Variants in ABLIM2 observed in about 807,000 individuals in gnomAD.
The protein encoded by ABLIM2 is actin binding LIM protein family member 2.
A neutral mutation model predicts 97.7 loss-of-function variants in ABLIM2; 53 were observed. The observed-to-expected ratio is 0.54, with a 90% CI of 0.44 to 0.68. The LOEUF is 0.68. Ranked by LOEUF, ABLIM2 falls within the 30% of genes least tolerant of loss-of-function variation. The pLI is 0.00. For missense variants in ABLIM2, 835 were observed against 867.2 expected, an observed-to-expected ratio of 0.96 and a Z score of 0.47; for synonymous variants, 361 against 345.8, an observed-to-expected ratio of 1.04 and a Z score of -0.49.
At position 8,069,543 on chromosome 4, in the gene ABLIM2, G is replaced by A. The variant is rs894271563; in HGVS notation, c.675+8085C>T. ...AGGCAAGGCAGGAAGGCAGAGATGC[G>A]GCAAAGGGTGTGTGCGCATGTGCGT... On this transcript the variant is annotated intron_variant, in intron 6 of 20. Transcript: ENST00000447017. The surrounding 1 kb of genome is among the most constrained non-coding windows in gnomAD (Gnocchi z 4.2). 1.3e-5 allele frequency among the ~76,000 whole-genome samples: 2 copies of A among 152,188 alleles called. No individual in the cohort carries two copies. Among genetic ancestry groups the A allele is most frequent in the South Asian group, 2.1e-4 (1 of 4,818 alleles).
At chr4:7,990,776 G>A (rs1748080194) in intron 17 of ABLIM2, among the ~76,000 whole-genome samples, 1 of 152,110 alleles carries the variant, frequency 6.6e-6, no homozygotes, top group Non-Finnish European at 1.5e-5. Context: ...GAAAAAGGCT[G>A]GTCATGTGAA....
chr4:8,156,596 C>T (rs1438465035), intron 1 of ABLIM2, among the ~76,000 whole-genome samples: 5 of 152,222 alleles, frequency 3.3e-5, no homozygotes, highest in Non-Finnish European at 7.3e-5. Context: ...CTGCAGCACA[C>T]GAGGGTTAGA....
intron 1 of ABLIM2, among the ~76,000 whole-genome samples, chr4:8,143,391 G>A (rs1469003303): frequency 6.6e-6 from 1 of 152,174 alleles, no homozygotes; most frequent in African/African-American, 2.4e-5. Flanking sequence ...GGACCACGGT[G>A]CACAAAAGGC....
At chr4:7,990,675 C>T (rs1445964934) in intron 17 of ABLIM2, among the ~76,000 whole-genome samples, 2 of 152,110 alleles carry the variant, frequency 1.3e-5, no homozygotes, top group Non-Finnish European at 2.9e-5. Flanking sequence ...CTTAGGAGCA[C>T]TGTAGGCCAT....
rs1010402173 is a variant in ABLIM2 at position 8,046,894 on chromosome 4, C to T, written c.823-1653G>A. On this transcript the variant is annotated intron_variant, in intron 8 of 20. Transcript: ENST00000447017. This position sits in a 1 kb window ranked among gnomAD's most constrained non-coding sequence, Gnocchi z 4.4. ...GGAGAAGGCAGCATCTACGAGCCAACGAGGGAGAAACCACCCCAGCTAACC... is the reference window on the plus strand; with the variant it reads ...GGAGAAGGCAGCATCTACGAGCCAATGAGGGAGAAACCACCCCAGCTAACC... Among the ~76,000 whole-genome samples the T allele has an allele frequency of 5.3e-5, 8 of 152,154 alleles. No homozygotes were observed. In the South Asian group the frequency reaches 6.2e-4, roughly 12 times the overall value.
chr4:8,155,056 G>A lies in ABLIM2; in HGVS notation c.10+3624C>T, dbSNP rs1200244427. Among the ~76,000 whole-genome samples, 1 of 152,190 alleles carries A rather than the reference G, an allele frequency of 6.6e-6. No homozygotes were observed. Among genetic ancestry groups the A allele is most frequent in the Non-Finnish European group, 1.5e-5 (1 of 68,032 alleles). Reference sequence around the variant, plus strand: ...CCTGTGATTCAATTATCTCCACCTGGCCCTGCCCTTGACACGTGGGGATTA... The same window carrying A: ...CCTGTGATTCAATTATCTCCACCTGACCCTGCCCTTGACACGTGGGGATTA... On this transcript the variant is annotated intron_variant, in intron 1 of 20. Coordinates refer to ENST00000447017, the MANE Select transcript of ABLIM2 (RefSeq NM_001130083.2). The surrounding 1 kb of genome is among the most constrained non-coding windows in gnomAD (Gnocchi z 4.2).
chr4:8,069,603 G>A lies in ABLIM2; in HGVS notation c.675+8025C>T, dbSNP rs1169690117. Among the ~76,000 whole-genome samples the A allele has an allele frequency of 6.6e-6, 1 of 152,158 alleles. No homozygotes were observed. The highest frequency in any genetic ancestry group is 1.5e-5 in the Non-Finnish European group (1 of 68,018). ...TCTCTGTGTTTTGCCTGGTGTCTGT[G>A]TGGATGTCTTTCCGTGTGTCTGTGT... On this transcript the variant is annotated intron_variant, in intron 6 of 20. Transcript: ENST00000447017. This position sits in a 1 kb window ranked among gnomAD's most constrained non-coding sequence, Gnocchi z 4.2.
At chr4:7,989,932 G>C (rs1425540508) in intron 17 of ABLIM2, among the ~76,000 whole-genome samples, 1 of 152,124 alleles carries the variant, frequency 6.6e-6, no homozygotes, top group African/African-American at 2.4e-5. Context: ...TCACTTCAAG[G>C]GTAGGTTATG....
intron 5 of ABLIM2, among the ~76,000 whole-genome samples, chr4:8,079,110 G>A (rs1818123115): frequency 6.6e-6 from 1 of 152,248 alleles, no homozygotes; most frequent in South Asian, 2.1e-4. Flanking sequence ...CTGCGGCCTG[G>A]AAGTGGCCCA....
At chr4:7,997,173 G>A (rs1753881133) in intron 16 of ABLIM2, among the ~76,000 whole-genome samples, 1 of 152,140 alleles carries the variant, frequency 6.6e-6, no homozygotes, top group Non-Finnish European at 1.5e-5. Flanking sequence ...CCAGGTTCAA[G>A]CGATTCTCCT....
intron 1 of ABLIM2, among the ~76,000 whole-genome samples, chr4:8,154,205 A>G (rs55902365): frequency 0.3 from 44,084 of 146,376 alleles, 6,723 homozygotes; most frequent in East Asian, 0.57. Context: ...CTTGTGATCC[A>G]CCCGCCTCGG....
In ABLIM2 at chr4:8,130,503, G is replaced by C. The variant is rs1406659392; in HGVS notation, c.11-23866C>G. Among the ~76,000 whole-genome samples the C allele has an allele frequency of 6.6e-6, 1 of 152,158 alleles. No individual in the cohort carries two copies. The highest frequency in any genetic ancestry group is 6.5e-5 in the Admixed American group (1 of 15,284). On this transcript the variant is annotated intron_variant, in intron 1 of 20. Transcript: ENST00000447017. The surrounding 1 kb of genome is among the most constrained non-coding windows in gnomAD (Gnocchi z 4.2). ...ATCTGGGCCTTTCCACAGCTTTTTA[G>C]AATATCAAGTTGTCTAAGCTTCCCC...
In ABLIM2 at chr4:7,996,005, C is replaced by A. The variant is rs529276117; in HGVS notation, c.1619-3078G>T. ...CAGACAAGGCCTCCTGCCTTGCAGT[C>A]CTGGGGTCCTCCAGGAGACACCTTC... On this transcript the variant is annotated intron_variant, in intron 16 of 20. Transcript: ENST00000447017. The surrounding 1 kb of genome is among the most constrained non-coding windows in gnomAD (Gnocchi z 4.5). 6.6e-6 allele frequency among the ~76,000 whole-genome samples: 1 copy of A among 152,250 alleles called. No homozygotes were observed. The highest frequency in any genetic ancestry group is 1.9e-4 in the East Asian group (1 of 5,158).
intron 20 of ABLIM2, among the ~76,000 whole-genome samples, chr4:7,973,215 A>C (rs1043818557): frequency 6.6e-6 from 1 of 152,036 alleles, no homozygotes; most frequent in Non-Finnish European, 1.5e-5. Context: ...GAAGCATAAG[A>C]AAGCTGAGGT....
intron 16 of ABLIM2, among the ~76,000 whole-genome samples, chr4:7,995,374 GA>G (rs1752519140): frequency 6.6e-6 from 1 of 152,222 alleles, no homozygotes; most frequent in Non-Finnish European, 1.5e-5. Context: ...CGAGGCCTCC[GA>G]GGGGAAGGTG....
At chr4:8,051,755 A>G (rs1465833095) in intron 8 of ABLIM2, among the ~76,000 whole-genome samples, 1 of 152,040 alleles carries the variant, frequency 6.6e-6, no homozygotes, top group Non-Finnish European at 1.5e-5. Flanking sequence ...CCCTTGCCCC[A>G]CATGTCCCTG....
intron 8 of ABLIM2, among the ~76,000 whole-genome samples, chr4:8,045,978 GC>G (rs1792122274): frequency 6.6e-6 from 1 of 152,076 alleles, no homozygotes; most frequent in South Asian, 2.1e-4. Context: ...CCCTCCATGG[GC>G]CCCCAAGCCT....
rs1202142545 is a variant in ABLIM2, at chr4:7,994,110, T to TA, written c.1619-1184dup. ...TTTTTTTTTTTTTTTTTTTTTTTTT[T>TA]ATTATACTCTAAGTTTTAGGGTACA... On this transcript the variant is annotated intron_variant, in intron 16 of 20. Coordinates refer to ENST00000447017, the MANE Select transcript of ABLIM2 (RefSeq NM_001130083.2). 3.5e-4 allele frequency among the ~76,000 whole-genome samples: 11 copies of TA among 31,130 alleles called. No individual in the cohort carries two copies. The East Asian group carries it at 7.9e-3, about 22-fold the overall frequency. The allele number at this position is 31,130 out of a possible 152,430, so 20.4% of individuals were successfully genotyped here.
At chr4:8,064,225 C>G (rs1170512653) in intron 6 of ABLIM2, among the ~76,000 whole-genome samples, 2 of 152,236 alleles carry the variant, frequency 1.3e-5, no homozygotes, top group Admixed American at 6.5e-5. Flanking sequence ...GCTCATTCTT[C>G]TTTGTGGCAC....
Sources: gnomAD v4.1 joint callset for allele counts (sites outside exome capture counted in the v4.1 genomes callset) on GRCh38, gnomAD v4.1.1 for gene constraint, Gnocchi (gnomAD v3.1) non-coding constraint, MANE v1.5 for transcripts, NCBI Gene and HGNC (gene_info 2026-07-23, HGNC 2026-07-21) for gene names.